Variants in WASHC4 observed in about 807,000 individuals in gnomAD.
WASHC4 encodes the protein WASH complex subunit 7.
Under a neutral mutation model 166.6 loss-of-function variants are expected in WASHC4, and 86 were observed. The ratio of observed to expected loss-of-function variants is 0.52; its 90% CI spans 0.43 to 0.62. The LOEUF (loss-of-function observed/expected upper bound fraction) is 0.62. WASHC4 is among the 20% of genes least tolerant of loss of function. The probability of loss-of-function intolerance (pLI) is 0.00; values close to 1 mark genes in which losing one functional copy is unlikely to be tolerated. For missense variants in WASHC4, 1,262 were observed against 1,382.4 expected, an observed-to-expected ratio of 0.91 and a Z score of 1.38; for synonymous variants, 446 against 451.6, an observed-to-expected ratio of 0.99 and a Z score of 0.16.
intron 31 of WASHC4, 143 bp from the exon 32 acceptor site, chr12:105,164,498 G>C: frequency 1.2e-6 from 1 of 810,326 alleles, no homozygotes; most frequent in Non-Finnish European, 2.0e-6. Context: ...AAATGGGCGG[G>C]TTACTTATTT....
At chr12:105,146,989 C>T (rs970566373) in intron 23 of WASHC4, 53 bp from the exon 24 acceptor site, 29 of 952,634 alleles carry the variant, frequency 3.0e-5, no homozygotes, top group Non-Finnish European at 4.9e-5. Flanking sequence ...CCTGTTTGAC[C>T]AGTGTTTGCT....
At chr12:105,152,875 G>C (rs1163354931) in intron 26 of WASHC4, among the ~76,000 whole-genome samples, 1 of 152,116 alleles carries the variant, frequency 6.6e-6, no homozygotes, top group African/African-American at 2.4e-5. Context: ...TTTTACTTGT[G>C]CATATAATGT....
rs777388955 is a variant in WASHC4, at chr12:105,144,271, A to G, written c.2011-16A>G. 4 of 1,606,100 alleles carry G rather than the reference A, an allele frequency of 2.5e-6. No individual in the cohort carries two copies. Among genetic ancestry groups the G allele is most frequent in the South Asian group, 1.1e-5 (1 of 90,558 alleles). On this transcript the variant is annotated splice_polypyrimidine_tract_variant and intron_variant, in intron 20 of 32. Coordinates refer to ENST00000332180, the MANE Select transcript of WASHC4 (RefSeq NM_015275.3). ...ATCATTTTGAAAAATTAAAGTATCA[A>G]ATCTTTTGTGAATAGCATTTGCTGG...
chr12:105,126,400 TA>T, intron 12 of WASHC4, 38 bp downstream of exon 12: 1 of 1,457,112 alleles, frequency 6.9e-7, no homozygotes, highest in Non-Finnish European at 9.5e-7. Flanking sequence ...TTGAGCAGAT[TA>T]AAAAGATTGC....
chr12:105,120,705 C>CGT (rs71986370), intron 8 of WASHC4, 108 bp downstream of exon 8: 74,451 of 695,782 alleles, frequency 0.11, 3,154 homozygotes, highest in African/African-American at 0.21. Flanking sequence ...CTTAAAGAGG[C>CGT]GTGTGTGTGT....
intron 32 of WASHC4, among the ~76,000 whole-genome samples, chr12:105,166,601 A>G (rs548111504): frequency 6.6e-6 from 1 of 152,164 alleles, no homozygotes; most frequent in Non-Finnish European, 1.5e-5. Context: ...TGTGGTTTGA[A>G]GCCCCACCCC....
chr12:105,134,298 G>T (rs1882117842), intron 14 of WASHC4, among the ~76,000 whole-genome samples: 2 of 152,012 alleles, frequency 1.3e-5, no homozygotes, highest in Admixed American at 1.3e-4. Context: ...TTATGGCCTA[G>T]CCCATGGTCA....
Position 105,141,055 on chromosome 12 carries a change from T to A in WASHC4, c.1707+10T>A. 2 of 1,614,058 alleles carry A rather than the reference T, an allele frequency of 1.2e-6. No homozygotes were observed. On this transcript the variant is annotated intron_variant, in intron 17 of 32. Coordinates refer to ENST00000332180, the MANE Select transcript of WASHC4 (RefSeq NM_015275.3). ...TGTTGGCACACAAATGGTAAGTGTA[T>A]TGCTATTACTTATGGAACAGAAATG...
At chr12:105,147,203 C>A in intron 24 of WASHC4, 57 bp downstream of exon 24, 2 of 999,236 alleles carry the variant, frequency 2.0e-6, no homozygotes, top group Non-Finnish European at 3.2e-6. Flanking sequence ...TAGCTTGGAA[C>A]GTGGTTTTCT....
rs745520286 is a variant in WASHC4, at chr12:105,146,538, T to C, written c.2409+12T>C. ...ATCTCAACAATCAGGTGAGTAGGGTTTATAAATTTTTTTTTTTTAATGTAG... is the reference window on the plus strand; with the variant it reads ...ATCTCAACAATCAGGTGAGTAGGGTCTATAAATTTTTTTTTTTTAATGTAG... On this transcript the variant is annotated intron_variant, in intron 23 of 32. Transcript: ENST00000332180. The C allele has an allele frequency of 5.1e-5, 79 of 1,537,392 alleles. No homozygotes were observed. In the East Asian group the frequency reaches 1.6e-3, roughly 32 times the overall value.
intron 24 of WASHC4, 122 bp downstream of exon 24, chr12:105,147,268 A>T (rs745652583): frequency 1.2e-4 from 84 of 694,264 alleles, no homozygotes; most frequent in Non-Finnish European, 2.0e-4. Context: ...ATGAATTTCC[A>T]TTTTTTTTCT....
chr12:105,131,067 TTTA>T (rs1410116075), intron 13 of WASHC4, among the ~76,000 whole-genome samples: 5 of 149,558 alleles, frequency 3.3e-5, no homozygotes, highest in African/African-American at 1.2e-4. Context: ...TTTTTATATA[TTTA>T]TTTATTTATT....
chr12:105,137,975 A>G lies in WASHC4; in HGVS notation c.1416A>G (p.Ser472=). Residue 472 remains serine (S), a synonymous_variant, in exon 15 of 33, where the codon TCA becomes TCG. Transcript: ENST00000332180. ...TGCAAAAGCCAATGACCAAAACCTC[A>G]GTTAAGGCATTGTGCAGGCTTGTTG... ...MSMQKPMTKT[S]VKALCRLVEL... is the part of the protein sequence containing the mutation. 1 of 1,613,216 alleles carries G rather than the reference A, an allele frequency of 6.2e-7. No individual in the cohort carries two copies. Among genetic ancestry groups the G allele is most frequent in the Non-Finnish European group, 8.5e-7 (1 of 1,179,352 alleles).
chr12:105,126,233 A>T lies in WASHC4; in HGVS notation c.911-2A>T. 6.2e-7 allele frequency: 1 copy of T among 1,612,746 alleles called. No homozygotes were observed. Among genetic ancestry groups the T allele is most frequent in the Non-Finnish European group, 8.5e-7 (1 of 1,179,108 alleles). On this transcript the variant is annotated splice_acceptor_variant, in intron 11 of 32. Coordinates refer to ENST00000332180, the MANE Select transcript of WASHC4 (RefSeq NM_015275.3). LOFTEE classifies it high-confidence loss of function. ...CTTTCTCTTATGTTATTGATTTGTA[A>T]GGAGAACCTTCTGAAATTGACCAGA...
intron 7 of WASHC4, 89 bp downstream of exon 7, chr12:105,118,617 T>G (rs150270546): frequency 5.7e-5 from 46 of 806,968 alleles, no homozygotes; most frequent in African/African-American, 5.5e-4. Flanking sequence ...AGTTTTTCTT[T>G]CATTCAGCAT....
chr12:105,156,008 G>A (rs1244750796), intron 26 of WASHC4, among the ~76,000 whole-genome samples: 1 of 152,218 alleles, frequency 6.6e-6, no homozygotes, highest in Non-Finnish European at 1.5e-5. Flanking sequence ...GCTGGTGATG[G>A]ATTGGATAGG....
chr12:105,160,516 T>G (rs1884432470), intron 29 of WASHC4, among the ~76,000 whole-genome samples: 1 of 151,814 alleles, frequency 6.6e-6, no homozygotes, highest in South Asian at 2.1e-4. Flanking sequence ...CTAATTTTGG[T>G]AATTTGTTTT....
intron 7 of WASHC4, 94 bp downstream of exon 7, chr12:105,118,622 C>A: frequency 2.5e-6 from 2 of 795,948 alleles, no homozygotes; most frequent in South Asian, 1.4e-5. Context: ...TTCTTTCATT[C>A]AGCATTCTTT....
chr12:105,167,003 A>G lies in WASHC4; in HGVS notation c.*72A>G. 1 of 980,628 alleles carries G rather than the reference A, an allele frequency of 1.0e-6. No homozygotes were observed. The highest frequency in any genetic ancestry group is 1.3e-5 in the South Asian group (1 of 78,526). 60.7% of individuals were successfully genotyped at this position (980,628 alleles called of 1,614,324 possible). A position where few individuals can be genotyped will look rare whatever the true frequency, so the allele number is the denominator to read the frequency against. On this transcript the variant is annotated 3_prime_UTR_variant, in exon 33 of 33. Transcript: ENST00000332180. ...AAAACTTTTGCCAGTGGAATGGATAAACTATTGATGAATTGTTTCCTGGGT... is the reference window on the plus strand; with the variant it reads ...AAAACTTTTGCCAGTGGAATGGATAGACTATTGATGAATTGTTTCCTGGGT...
Sources: allele counts gnomAD v4.1 joint callset (sites outside exome capture counted in the v4.1 genomes callset), GRCh38; gene constraint gnomAD v4.1.1; transcripts MANE v1.5; gene names NCBI Gene and HGNC (gene_info 2026-07-23, HGNC 2026-07-21).